C1RL: variants seen among roughly 807,000 people sequenced by gnomAD.
The protein encoded by C1RL is complement C1r subcomponent like, also known as complement C1r subcomponent-like protein.
A neutral mutation model predicts 27.9 loss-of-function variants in C1RL; 27 were observed. The ratio of observed to expected loss-of-function variants is 0.97; its 90% CI spans 0.71 to 1.33. C1RL has a LOEUF of 1.33. Ranked by LOEUF, C1RL falls within the 40% of genes most tolerant of loss-of-function variation. The probability of loss-of-function intolerance (pLI) is 0.00; values close to 1 mark genes in which losing one functional copy is unlikely to be tolerated. For missense variants in C1RL, 563 were observed against 623.9 expected (o/e 0.90, Z 1.04); for synonymous variants, 248 against 252.1 (o/e 0.98, Z 0.15).
At position 7,096,571 on chromosome 12, in the gene C1RL, C is replaced by T. The variant is rs746869190; in HGVS notation, c.1284G>A (p.Arg428=). The change falls in exon 6 of 6, where the codon AGG becomes AGA. Residue 428 remains arginine (R), a synonymous_variant. Transcript: ENST00000266542. ...CACTGTCCCCCTGGCAGACACTGTG[C>T]CTTTGCGTCTCATCCCCAACACAGA... ...NMFCVGDETQ[R]HSVCQGDSGS... 20 of 1,614,024 alleles carry T rather than the reference C, an allele frequency of 1.2e-5. 1 individual carries two copies. In the South Asian group the frequency reaches 1.5e-4, roughly 12 times the overall value.
At chr12:7,097,216 T>C in intron 5 of C1RL, 53 bp from the exon 6 acceptor site, 2 of 1,496,538 alleles carry the variant, frequency 1.3e-6, no homozygotes, top group Non-Finnish European at 1.8e-6. Context: ...CTAGACACAC[T>C]GATTAAAGAC....
intron 5 of C1RL, 91 bp downstream of exon 5, chr12:7,099,594 AT>A: frequency 6.6e-7 from 1 of 1,507,694 alleles, no homozygotes; most frequent in Non-Finnish European, 9.0e-7. Context: ...CTTCCTTTCT[AT>A]TCTAAGGCTT....
chr12:7,096,209 C>T lies in C1RL; in HGVS notation c.*182G>A, dbSNP rs1464808650. ...ACTCTGCTTCCTGTCTGGGATGGGG[C>T]GGGCTTGCCGGGTGGGGGTTTCTCT... On this transcript the variant is annotated 3_prime_UTR_variant, in exon 6 of 6. Coordinates refer to ENST00000266542, the MANE Select transcript of C1RL (RefSeq NM_016546.4). 1.4e-5 allele frequency: 20 copies of T among 1,382,886 alleles called. No homozygotes were observed. In the African/African-American group the frequency reaches 2.1e-4, roughly 14 times the overall value. The allele number at this position is 1,382,886 out of a possible 1,614,324, so 85.7% of individuals were successfully genotyped here.
At chr12:7,099,488 A>G (rs1938548653) in intron 5 of C1RL, 198 bp downstream of exon 5, 6 of 981,956 alleles carry the variant, frequency 6.1e-6, no homozygotes, top group African/African-American at 3.5e-5. Context: ...TTCCTCAGAT[A>G]TATCTTGACC....
intron 3 of C1RL, among the ~76,000 whole-genome samples, chr12:7,100,889 C>T (rs1476609624): frequency 8.5e-5 from 13 of 152,078 alleles, no homozygotes; most frequent in Admixed American, 5.9e-4. Context: ...AAAAATACCA[C>T]GTTTAGAACA....
chr12:7,104,877 G>A lies in C1RL; in HGVS notation c.301-2790C>T, dbSNP rs1382432989. ...ACTTCACTCTTGTCTATATCAATTA[G>A]CTCTATGGCCAAATTGGTTTCATTC... On this transcript the variant is annotated intron_variant, in intron 2 of 5. Transcript: ENST00000266542. This position sits in a 1 kb window ranked among gnomAD's most constrained non-coding sequence, Gnocchi z 5.4. Among the ~76,000 whole-genome samples, 2 of 152,154 alleles carry A rather than the reference G, an allele frequency of 1.3e-5. No individual in the cohort carries two copies. Among genetic ancestry groups the A allele is most frequent in the African/African-American group, 2.4e-5 (1 of 41,414 alleles).
In C1RL at chr12:7,096,226, G is replaced by A; in HGVS notation, c.*165C>T. The A allele has an allele frequency of 2.9e-6, 4 of 1,391,068 alleles. No homozygotes were observed. Among genetic ancestry groups the A allele is most frequent in the Non-Finnish European group, 2.8e-6 (3 of 1,077,078 alleles). 86.2% of individuals were successfully genotyped at this position (1,391,068 alleles called of 1,614,324 possible). A position where few individuals can be genotyped will look rare whatever the true frequency, so the allele number is the denominator to read the frequency against. On this transcript the variant is annotated 3_prime_UTR_variant, in exon 6 of 6. Transcript: ENST00000266542. Reference sequence around the variant, plus strand: ...GGATGGGGCGGGCTTGCCGGGTGGGGGTTTCTCTTGCAGTGGCTTGGTGCA... The same window carrying A: ...GGATGGGGCGGGCTTGCCGGGTGGGAGTTTCTCTTGCAGTGGCTTGGTGCA...
intron 3 of C1RL, among the ~76,000 whole-genome samples, chr12:7,101,383 C>A (rs774801912): frequency 1.3e-5 from 2 of 151,554 alleles, no homozygotes; most frequent in South Asian, 2.1e-4. Flanking sequence ...CAATCCTCCC[C>A]CTCAGTCCCT....
chr12:7,102,215 G>A, intron 2 of C1RL, 128 bp from the exon 3 acceptor site: 1 of 885,172 alleles, frequency 1.1e-6, no homozygotes, highest in Non-Finnish European at 1.7e-6. Flanking sequence ...CTGGGGCTCA[G>A]AAGGCACCTC....
chr12:7,107,006 A>G (rs1482317652), intron 2 of C1RL, among the ~76,000 whole-genome samples: 1 of 152,186 alleles, frequency 6.6e-6, no homozygotes, highest in Non-Finnish European at 1.5e-5. Context: ...TTAATAGAAA[A>G]TACGTAAAAA....
intron 4 of C1RL, 53 bp downstream of exon 4, chr12:7,099,848 T>A: frequency 6.2e-7 from 1 of 1,612,526 alleles, no homozygotes; most frequent in Non-Finnish European, 8.5e-7. Flanking sequence ...GTGTCAGGCA[T>A]TTGGGTGGGA....
intron 4 of C1RL, 65 bp from the exon 5 acceptor site, chr12:7,099,825 A>G: frequency 6.2e-7 from 1 of 1,612,876 alleles, no homozygotes; most frequent in South Asian, 1.1e-5. Flanking sequence ...TTAACGAAGC[A>G]GGTGCTCAGA....
At chr12:7,107,170 A>C (rs1938790482) in intron 2 of C1RL, among the ~76,000 whole-genome samples, 2 of 149,596 alleles carry the variant, frequency 1.3e-5, no homozygotes, top group Non-Finnish European at 3.0e-5. Flanking sequence ...CTTTTTAAAA[A>C]CCTTTTTTTT....
In C1RL at chr12:7,097,066, A is replaced by G; in HGVS notation, c.789T>C (p.Ser263=). 6.2e-7 allele frequency: 1 copy of G among 1,614,124 alleles called. No homozygotes were observed. Among genetic ancestry groups the G allele is most frequent in the East Asian group, 2.2e-5 (1 of 44,866 alleles). ...LGNFPWQAFT[S]IHGRGGGALL... Reference sequence around the variant, plus strand: ...GGGCCCCGCCCCCACGGCCGTGGATACTGGTGAAGGCTTGCCAGGGGAAGT... The same window carrying G: ...GGGCCCCGCCCCCACGGCCGTGGATGCTGGTGAAGGCTTGCCAGGGGAAGT... The change falls in exon 6 of 6, where the codon AGT becomes AGC. Residue 263 remains serine (S), a synonymous_variant. Transcript: ENST00000266542.
intron 2 of C1RL, among the ~76,000 whole-genome samples, chr12:7,103,419 C>T (rs771836846): frequency 1.8e-4 from 28 of 152,176 alleles, no homozygotes; most frequent in Non-Finnish European, 2.9e-5. Context: ...ATCTCAGTTT[C>T]CTCTCCTATA....
Position 7,095,328 on chromosome 12 carries a change from A to G in C1RL, c.*1063T>C. On this transcript the variant is annotated 3_prime_UTR_variant, in exon 6 of 6. Coordinates refer to ENST00000266542, the MANE Select transcript of C1RL (RefSeq NM_016546.4). ...ATGGGGTTTCACCATGTTGGCCAGGATGGGCTGGATCTCCTGACCTCGTGA... is the reference window on the plus strand; with the variant it reads ...ATGGGGTTTCACCATGTTGGCCAGGGTGGGCTGGATCTCCTGACCTCGTGA... 1.1e-6 allele frequency: 1 copy of G among 929,010 alleles called. No homozygotes were observed. The highest frequency in any genetic ancestry group is 1.3e-6 in the Non-Finnish European group (1 of 754,094). The allele number at this position is 929,010 out of a possible 1,614,324, so 57.5% of individuals were successfully genotyped here.
rs759230772 is a variant in C1RL at position 7,105,956 on chromosome 12, A to G, written c.300+2295T>C. ...CTAGAGAATCAATCTAGAACATACA[A>G]CAGCTGAATTATAGGAGAAAGAGAA... On this transcript the variant is annotated intron_variant, in intron 2 of 5. Transcript: ENST00000266542. Among the ~76,000 whole-genome samples, 5 of 152,238 alleles carry G rather than the reference A, an allele frequency of 3.3e-5. No homozygotes were observed. The East Asian group carries it at 9.7e-4, about 29-fold the overall frequency.
At chr12:7,109,001 GATGTGTGT>G (rs1938869008) in intron 1 of C1RL, 101 bp downstream of exon 1, 5 of 338,980 alleles carry the variant, frequency 1.5e-5, no homozygotes, top group African/African-American at 1.1e-4. Context: ...GGGGGGGGGG[GATGTGTGT>G]GTGGGGGGGG....
chr12:7,108,772 T>G, intron 1 of C1RL: 3 of 546,680 alleles, frequency 5.5e-6, no homozygotes, highest in Non-Finnish European at 9.7e-6. Context: ...AGGAGGGGGG[T>G]GCTTTCTGCT....
Sources: allele counts gnomAD v4.1 joint callset (sites outside exome capture counted in the v4.1 genomes callset), GRCh38; gene constraint gnomAD v4.1.1; non-coding constraint Gnocchi (gnomAD v3.1); transcripts MANE v1.5; gene names NCBI Gene and HGNC (gene_info 2026-07-23, HGNC 2026-07-21).